PLEKHA8: variants seen among roughly 807,000 people sequenced by gnomAD.
PLEKHA8 encodes pleckstrin homology domain containing A8.
Under a neutral mutation model 68.2 loss-of-function variants are expected in PLEKHA8, and 36 were observed. That is an observed-to-expected ratio of 0.53 (90% CI 0.40 to 0.70). PLEKHA8 has a LOEUF of 0.70. Ranked by LOEUF, PLEKHA8 falls within the 30% of genes least tolerant of loss-of-function variation. The pLI is 0.00. For missense variants in PLEKHA8, 505 were observed against 615.4 expected (o/e 0.82, Z 1.90); for synonymous variants, 211 against 216.1 (o/e 0.98, Z 0.20).
chr7:30,056,787 A>ATGTG (rs1793014229), intron 9 of PLEKHA8, among the ~76,000 whole-genome samples: 1 of 91,268 alleles, frequency 1.1e-5, no homozygotes, highest in Non-Finnish European at 2.2e-5. Flanking sequence ...GTGTGTGTGT[A>ATGTG]TATATATATG....
At chr7:30,034,006 GTTTCTTTTT>G (rs1256735853) in intron 1 of PLEKHA8, among the ~76,000 whole-genome samples, 1 of 110,816 alleles carries the variant, frequency 9.0e-6, no homozygotes, top group Non-Finnish European at 1.8e-5. Context: ...GTTGTAAGAG[GTTTCTTTTT>G]TTTTTTTTTT....
chr7:30,081,692 C>G lies in PLEKHA8; in HGVS notation c.*2905C>G, dbSNP rs1159768603. The G allele has an allele frequency of 8.1e-6, 8 of 985,156 alleles. No individual in the cohort carries two copies. Among genetic ancestry groups the G allele is most frequent in the Non-Finnish European group, 9.6e-6 (8 of 829,848 alleles). 61.0% of individuals were successfully genotyped at this position (985,156 alleles called of 1,614,324 possible). ...TCAAAGCATTTTTAGGATTATTTTT[C>G]TAGCGTAACCTTTAGAGAGAACTGG... On this transcript the variant is annotated 3_prime_UTR_variant, in exon 14 of 14. Transcript: ENST00000449726.
chr7:30,043,935 A>G (rs1221454584), intron 1 of PLEKHA8, among the ~76,000 whole-genome samples: 1 of 152,066 alleles, frequency 6.6e-6, no homozygotes, highest in Non-Finnish European at 1.5e-5. Flanking sequence ...AGAGAAATGT[A>G]TCCCTAAAGG....
intron 1 of PLEKHA8, among the ~76,000 whole-genome samples, chr7:30,041,382 G>A (rs950094852): frequency 1.3e-5 from 2 of 151,296 alleles, no homozygotes; most frequent in African/African-American, 4.9e-5. Context: ...TTATAAGGAA[G>A]GTAATATTTC....
chr7:30,120,784 C>A (rs755724938), intron 13 of PLEKHA8, among the ~76,000 whole-genome samples: 17 of 152,182 alleles, frequency 1.1e-4, no homozygotes, highest in Non-Finnish European at 2.2e-4. Flanking sequence ...GTTAAAGATA[C>A]AAATAAGGGA....
At chr7:30,050,369 A>G in intron 5 of PLEKHA8, 65 bp from the exon 6 acceptor site, 3 of 1,510,890 alleles carry the variant, frequency 2.0e-6, no homozygotes, top group Non-Finnish European at 2.6e-6. Context: ...GTATGTAATA[A>G]GATCATAAAT....
chr7:30,104,873 C>T (rs548042280), intron 13 of PLEKHA8, among the ~76,000 whole-genome samples: 152 of 151,952 alleles, frequency 1.0e-3, no homozygotes, highest in Non-Finnish European at 1.2e-3. Flanking sequence ...CAGGTACATG[C>T]CACCACACCC....
intron 13 of PLEKHA8, among the ~76,000 whole-genome samples, chr7:30,119,603 C>T (rs941901232): frequency 9.8e-5 from 15 of 152,350 alleles, no homozygotes; most frequent in Middle Eastern, 3.4e-3. Flanking sequence ...CAGTGTTTTG[C>T]TCACATTAAT....
intron 6 of PLEKHA8, among the ~76,000 whole-genome samples, chr7:30,052,473 C>CA (rs1220170763): frequency 1.3e-5 from 2 of 151,844 alleles, no homozygotes; most frequent in Non-Finnish European, 1.5e-5. Flanking sequence ...CCCATCTCTA[C>CA]AAAAAATTAG....
At chr7:30,085,929 T>C (rs1377144857), downstream of PLEKHA8, among the ~76,000 whole-genome samples, 4 of 152,144 alleles carry the variant, frequency 2.6e-5, no homozygotes, top group Non-Finnish European at 5.9e-5. Context: ...CCAGCAAAGT[T>C]TCCTTGAAGG....
At chr7:30,118,071 G>A (rs980856207) in intron 13 of PLEKHA8, 2 of 1,468,448 alleles carry the variant, frequency 1.4e-6, no homozygotes, top group Non-Finnish European at 1.8e-6. Context: ...GAGACAGGAT[G>A]CATCACATCT....
chr7:30,099,936 G>C (rs1297028493), intron 13 of PLEKHA8, among the ~76,000 whole-genome samples: 1 of 152,208 alleles, frequency 6.6e-6, no homozygotes, highest in Non-Finnish European at 1.5e-5. Flanking sequence ...CTGGAGACTG[G>C]AAGTCCAAAA....
chr7:30,086,985 A>T (rs754550350), downstream of PLEKHA8, among the ~76,000 whole-genome samples: 1 of 152,236 alleles, frequency 6.6e-6, no homozygotes, highest in Admixed American at 6.5e-5. Context: ...GTCTGACATC[A>T]GCACTGAGGA....
intron 2 of PLEKHA8, among the ~76,000 whole-genome samples, chr7:30,045,707 CT>C (rs376408927): frequency 9.5e-4 from 145 of 152,264 alleles, no homozygotes; most frequent in African/African-American, 3.5e-3. Flanking sequence ...GGGTGAAAGA[CT>C]TTGGTTTGCT....
intron 1 of PLEKHA8, among the ~76,000 whole-genome samples, chr7:30,037,215 G>T (rs747469991): frequency 6.6e-6 from 1 of 152,104 alleles, no homozygotes; most frequent in African/African-American, 2.4e-5. Context: ...GGTTATGAAC[G>T]TAGAAACCAT....
At chr7:30,119,353 C>T (rs1364216108) in intron 13 of PLEKHA8, among the ~76,000 whole-genome samples, 2 of 152,074 alleles carry the variant, frequency 1.3e-5, no homozygotes, top group East Asian at 3.9e-4. Flanking sequence ...TTGATGCATG[C>T]GGAGGTTAAA....
At chr7:30,089,157 TCCTC>T (rs1164919874), downstream of PLEKHA8, among the ~76,000 whole-genome samples, 3 of 152,100 alleles carry the variant, frequency 2.0e-5, no homozygotes, top group African/African-American at 7.2e-5. Context: ...CACAGCTCCT[TCCTC>T]CTCCATACAG....
intron 13 of PLEKHA8, chr7:30,118,122 C>A: frequency 1.8e-6 from 2 of 1,132,840 alleles, no homozygotes; most frequent in Admixed American, 3.7e-5. Context: ...GGACTAAATG[C>A]CTCTCCTGGG....
At chr7:30,093,595 T>A (rs945801354), downstream of PLEKHA8, among the ~76,000 whole-genome samples, 4 of 152,222 alleles carry the variant, frequency 2.6e-5, no homozygotes, top group African/African-American at 7.2e-5. Flanking sequence ...CCCTTTCTCC[T>A]CTGTAAACTG....
Sources: allele counts gnomAD v4.1 joint callset (sites outside exome capture counted in the v4.1 genomes callset), GRCh38; gene constraint gnomAD v4.1.1; transcripts MANE v1.5; gene names NCBI Gene and HGNC (gene_info 2026-07-23, HGNC 2026-07-21).